The following GRAMD2B variants were observed in gnomAD, a reference collection of about 807,000 sequenced individuals.
GRAMD2B encodes the protein GRAM domain-containing protein 2B.
A neutral mutation model predicts 59.2 loss-of-function variants in GRAMD2B; 41 were observed. The ratio of observed to expected loss-of-function variants is 0.69; its 90% CI spans 0.54 to 0.90. GRAMD2B has a LOEUF of 0.90. Among genes scored for constraint, GRAMD2B ranks in the 40% least tolerant of loss-of-function variants. GRAMD2B has a pLI of 0.00. For synonymous variants in GRAMD2B, 161 were observed against 182.7 expected, an observed-to-expected ratio of 0.88 and a Z score of 0.96; for missense variants, 424 against 500.5, an observed-to-expected ratio of 0.85 and a Z score of 1.46.
chr5:126,370,932 T>C (rs1580675883), upstream of GRAMD2B, among the ~76,000 whole-genome samples: 1 of 152,366 alleles, frequency 6.6e-6, no homozygotes, highest in East Asian at 1.9e-4. Flanking sequence ...GCCTTAAAAC[T>C]GCTGTACATC....
At chr5:126,444,480 G>A (rs1004452003) in intron 1 of GRAMD2B, among the ~76,000 whole-genome samples, 1 of 152,154 alleles carries the variant, frequency 6.6e-6, no homozygotes, top group Admixed American at 6.5e-5. Context: ...AAGATAAGGG[G>A]ACAGGTGCCC....
At chr5:126,423,244 A>G (rs922005117), upstream of GRAMD2B, 30 of 1,088,816 alleles carry the variant, frequency 2.8e-5, no homozygotes, top group Non-Finnish European at 2.3e-5. Context: ...GTGCCTTCTT[A>G]GGCAAATGTT....
chr5:126,415,500 A>G (rs1759194634), intron 1 of GRAMD2B, among the ~76,000 whole-genome samples: 1 of 152,124 alleles, frequency 6.6e-6, no homozygotes, highest in African/African-American at 2.4e-5. Context: ...TTTTGGGAGG[A>G]AGGAAGCCAG....
At chr5:126,483,755 C>T in intron 9 of GRAMD2B, 181 bp downstream of exon 9, 1 of 546,840 alleles carries the variant, frequency 1.8e-6, no homozygotes, top group Admixed American at 3.4e-5. Flanking sequence ...AAAGAATTGC[C>T]TATGTGGTAA....
At chr5:126,406,818 A>G (rs1758307393) in intron 1 of GRAMD2B, among the ~76,000 whole-genome samples, 1 of 152,022 alleles carries the variant, frequency 6.6e-6, no homozygotes, top group Admixed American at 6.6e-5. Context: ...AGAGAAAAAT[A>G]GGTAAAGAAA....
At position 126,381,380 on chromosome 5, in the gene GRAMD2B, C is replaced by T. The variant is rs534471748; in HGVS notation, c.125+9813C>T. Among the ~76,000 whole-genome samples, 7 of 152,084 alleles carry T rather than the reference C, an allele frequency of 4.6e-5. No individual in the cohort carries two copies. The East Asian group carries it at 1.4e-3, about 29-fold the overall frequency. ...AGTTTTCTTTTTTGTTATGTCCTTT[C>T]CTGGTTTTGGTACTGGGGTGGTATT... On this transcript the variant is annotated intron_variant, in intron 1 of 8. Coordinates refer to the GRAMD2B transcript ENST00000506445.
chr5:126,457,662 G>A (rs750882951), intron 1 of GRAMD2B, among the ~76,000 whole-genome samples: 1 of 152,104 alleles, frequency 6.6e-6, no homozygotes, highest in Non-Finnish European at 1.5e-5. Context: ...ATATCATTGA[G>A]AAGGTGACAT....
At chr5:126,460,711 C>A (rs766066475) in intron 1 of GRAMD2B, among the ~76,000 whole-genome samples, 1 of 152,226 alleles carries the variant, frequency 6.6e-6, no homozygotes, top group South Asian at 2.1e-4. Flanking sequence ...ATAGGCAGCA[C>A]TCCAAAAACA....
chr5:126,475,593 C>T (rs762833549), intron 5 of GRAMD2B, among the ~76,000 whole-genome samples: 3 of 152,210 alleles, frequency 2.0e-5, no homozygotes, highest in Non-Finnish European at 4.4e-5. Context: ...CTTCCATAGT[C>T]TTCCAGCCTA....
At chr5:126,363,409 G>A (rs1474199678) in intron 1 of GRAMD2B, among the ~76,000 whole-genome samples, 2 of 152,180 alleles carry the variant, frequency 1.3e-5, no homozygotes, top group Admixed American at 1.3e-4. Flanking sequence ...AAAAAAGTTT[G>A]TCAGTTCCTC....
In GRAMD2B at chr5:126,406,352, T is replaced by C. The variant is rs182831495; in HGVS notation, c.125+34785T>C. On this transcript the variant is annotated intron_variant, in intron 1 of 8. Transcript: ENST00000506445. ...CACATGTACCCTAAAACTTAAAGTATAATAAAAATAAATAAATAAAAATAA... is the reference window on the plus strand; with the variant it reads ...CACATGTACCCTAAAACTTAAAGTACAATAAAAATAAATAAATAAAAATAA... Among the ~76,000 whole-genome samples, 301 of 151,846 alleles carry C rather than the reference T, an allele frequency of 2.0e-3. 1 individual carries two copies. The highest frequency in any genetic ancestry group is 6.5e-3 in the African/African-American group (268 of 41,492).
chr5:126,394,694 T>C (rs967074822), intron 1 of GRAMD2B, among the ~76,000 whole-genome samples: 5 of 152,240 alleles, frequency 3.3e-5, no homozygotes, highest in African/African-American at 1.2e-4. Flanking sequence ...TCAGGGTTCC[T>C]GCTCTCATCT....
chr5:126,360,619 T>G (rs549086496), intron 1 of GRAMD2B, among the ~76,000 whole-genome samples: 1 of 152,306 alleles, frequency 6.6e-6, no homozygotes, highest in Admixed American at 6.5e-5. Context: ...CATCAGGGTC[T>G]TGAGTAAAAG....
chr5:126,427,179 G>A (rs560132960), intron 1 of GRAMD2B, among the ~76,000 whole-genome samples: 1 of 152,270 alleles, frequency 6.6e-6, no homozygotes, highest in East Asian at 1.9e-4. Context: ...TATTACATAG[G>A]AATACATGTG....
chr5:126,483,820 T>C (rs1385746043), intron 9 of GRAMD2B, among the ~76,000 whole-genome samples: 1 of 152,204 alleles, frequency 6.6e-6, no homozygotes, highest in Non-Finnish European at 1.5e-5. Context: ...AGACCTAACG[T>C]TGGGGTGGTT....
chr5:126,387,016 G>T (rs1394706048), intron 1 of GRAMD2B, among the ~76,000 whole-genome samples: 1 of 152,038 alleles, frequency 6.6e-6, no homozygotes, highest in African/African-American at 2.4e-5. Flanking sequence ...AAGGGAAAAC[G>T]AAAGGTGCAT....
At chr5:126,400,378 G>A (rs965221553) in intron 1 of GRAMD2B, among the ~76,000 whole-genome samples, 1 of 151,924 alleles carries the variant, frequency 6.6e-6, no homozygotes. Flanking sequence ...TGTTATTAAT[G>A]TCACAATTTA....
chr5:126,388,510 C>A (rs1756392120), intron 1 of GRAMD2B, among the ~76,000 whole-genome samples: 1 of 151,736 alleles, frequency 6.6e-6, no homozygotes, highest in Non-Finnish European at 1.5e-5. Context: ...CAAACCTATA[C>A]AAGAAGCTAT....
intron 1 of GRAMD2B, among the ~76,000 whole-genome samples, chr5:126,440,499 C>G (rs1030677989): frequency 2.6e-5 from 4 of 152,072 alleles, no homozygotes; most frequent in African/African-American, 9.7e-5. Flanking sequence ...GAGGTATTTT[C>G]AAATCCATGG....
Sources: allele counts gnomAD v4.1 joint callset (sites outside exome capture counted in the v4.1 genomes callset), GRCh38; gene constraint gnomAD v4.1.1; transcripts MANE v1.5; gene names NCBI Gene and HGNC (gene_info 2026-07-23, HGNC 2026-07-21).